Variants in MED16 observed in about 807,000 individuals in gnomAD.
MED16 encodes the protein mediator complex subunit 16, also known as mediator of RNA polymerase II transcription subunit 16.
A neutral mutation model predicts 84.4 loss-of-function variants in MED16; 81 were observed. The observed-to-expected ratio is 0.96, with a 90% CI of 0.80 to 1.15. The LOEUF (loss-of-function observed/expected upper bound fraction) is 1.15, where lower values mean the gene tolerates loss of function less well. Among genes scored for constraint, MED16 ranks in the 50% most tolerant of loss-of-function variants. The pLI is 0.00. For synonymous variants in MED16, 897 were observed against 552.2 expected (o/e 1.62, Z -8.76); for missense variants, 1,585 against 1,245.9 (o/e 1.27, Z -4.10).
intron 11 of MED16, 91 bp downstream of exon 11, chr19:873,358 G>A: frequency 7.6e-7 from 1 of 1,321,230 alleles, no homozygotes; most frequent in Non-Finnish European, 1.0e-6. Flanking sequence ...CGGGGCTGAG[G>A]TGGTTTTGAG....
Position 868,165 on chromosome 19 carries a change from G to C in MED16, c.2570C>G (p.Ser857Cys). ...GGGGGTCCTGGGAGAGTGGTGTGTG[G>C]ACTGCGGGCCCAGCTGGACAAAGGC... is the stretch of plus-strand genomic sequence containing the variant. Reference protein sequence around the residue: ...APAFVQLGPQSTHHSPRTPRS... With the variant: ...APAFVQLGPQCTHHSPRTPRS... The change falls in exon 16 of 16, where the codon TCC becomes TGC. Residue 857 changes from serine to cysteine, a missense_variant. Physicochemically the swap from Ser to Cys is moderately radical, Grantham distance 112. Coordinates refer to ENST00000325464, the MANE Select transcript of MED16 (RefSeq NM_005481.3). 6.2e-7 allele frequency: 1 copy of C among 1,611,500 alleles called. No individual in the cohort carries two copies. The highest frequency in any genetic ancestry group is 8.5e-7 in the Non-Finnish European group (1 of 1,179,468).
chr19:890,898 G>A, intron 2 of MED16, 65 bp downstream of exon 2: 2 of 1,541,730 alleles, frequency 1.3e-6, no homozygotes, highest in South Asian at 1.2e-5. Flanking sequence ...AGTGGGCCGG[G>A]CACCTGGGGA....
Position 880,113 on chromosome 19 carries a change from T to C in MED16, c.1177A>G (p.Ile393Val), listed in dbSNP as rs780775004. The C allele has an allele frequency of 2.5e-5, 40 of 1,610,146 alleles. No individual in the cohort carries two copies. The Admixed American group carries it at 4.5e-4, about 18-fold the overall frequency. Residue 393 changes from isoleucine to valine, a missense_variant, in exon 8 of 16, where the codon ATC (isoleucine) becomes GTC (valine). Physicochemically the swap from Ile to Val is conservative, Grantham distance 29 (BLOSUM62 3). Coordinates refer to ENST00000325464, the MANE Select transcript of MED16 (RefSeq NM_005481.3). The stretch of plus-strand genomic sequence containing the variant: ...GTCTGCAGTGAGAGCCGGTGCACGA[T>C]GTGGACGCTGCCGTCGTGGAAGGCC... ...ALAFHDGSVHIVHRLSLQTMA... is the reference protein window; with the variant it reads ...ALAFHDGSVHVVHRLSLQTMA...
In MED16 at chr19:873,312, C is replaced by T. The variant is rs1176377143; in HGVS notation, c.1905+137G>A. On this transcript the variant is annotated intron_variant, in intron 11 of 15. Transcript: ENST00000325464. Reference sequence around the variant, plus strand: ...GCAGGGGCGGGACTCCAAGTAGGGGCGGGACTCCAAGTAGGGGCGGGACTC... The same window carrying T: ...GCAGGGGCGGGACTCCAAGTAGGGGTGGGACTCCAAGTAGGGGCGGGACTC... The T allele has an allele frequency of 1.3e-4, 69 of 535,840 alleles. 1 individual carries two copies. In the East Asian group the frequency reaches 1.6e-3, roughly 12 times the overall value. 33.2% of individuals were successfully genotyped at this position (535,840 alleles called of 1,614,324 possible).
At chr19:883,860 C>G (rs573843087) in intron 6 of MED16, among the ~76,000 whole-genome samples, 18 of 152,176 alleles carry the variant, frequency 1.2e-4, no homozygotes, top group African/African-American at 4.3e-4. Flanking sequence ...TGAGGCCCAA[C>G]AAGGCCCTGG....
rs1272078857 is a variant in MED16 at position 880,067 on chromosome 19, G to A, written c.1223C>T (p.Ser408Phe). The A allele has an allele frequency of 5.6e-6, 9 of 1,611,168 alleles. No individual in the cohort carries two copies. The highest frequency in any genetic ancestry group is 2.2e-5 in the South Asian group (2 of 90,866). The change falls in exon 8 of 16, where the codon TCC becomes TTC. Residue 408 changes from serine to phenylalanine, a missense_variant. Transcript: ENST00000325464. ...SLQTMAVFYS[S>F]AAPRPVDEPA... ...CTCATCCACAGGCCTCGGGGCCGCG[G>A]AGCTGTAGAAGACGGCCATGGTCTG...
At chr19:891,580 C>T (rs1401084896) in intron 1 of MED16, among the ~76,000 whole-genome samples, 1 of 151,612 alleles carries the variant, frequency 6.6e-6, no homozygotes, top group Non-Finnish European at 1.5e-5. Context: ...CTCCCTGTAG[C>T]CGAGGCGGGG....
At position 881,554 on chromosome 19, in the gene MED16, C is replaced by T. The variant is rs372842343; in HGVS notation, c.1141+5G>A. The T allele has an allele frequency of 1.0e-4, 162 of 1,606,778 alleles. No individual in the cohort carries two copies. The African/African-American group carries it at 1.6e-3, about 16-fold the overall frequency. ...CCCGCGTGGCTGCCGCTGGCTCCAC[C>T]GTACCGAGGCCAGGGTAGAACTGTG... On this transcript the variant is annotated splice_donor_5th_base_variant and intron_variant, in intron 7 of 15. Coordinates refer to ENST00000325464, the MANE Select transcript of MED16 (RefSeq NM_005481.3).
chr19:892,852 C>G (rs1199591127), intron 1 of MED16: 2 of 150,642 alleles, frequency 1.3e-5, no homozygotes, highest in African/African-American at 4.9e-5. Flanking sequence ...AGGCCTCCCC[C>G]AGGTTTCCGC....
rs902883254 is a variant in MED16 at position 871,232 on chromosome 19, C to G, written c.2120G>C (p.Ser707Thr). 85 of 1,541,524 alleles carry G rather than the reference C, an allele frequency of 5.5e-5. No individual in the cohort carries two copies. The highest frequency in any genetic ancestry group is 7.2e-5 in the Non-Finnish European group (82 of 1,140,272). ...WICCRDEGPA[S>T]EPDEALVDEC... ...ATCCACCAGCGCCTCGTCCGGCTCG[C>G]TCGCTGGGCCCTCATCGCGACCTGC... Residue 707 changes from serine to threonine, a missense_variant, in exon 13 of 16, where the codon AGC (serine) becomes ACC (threonine). Physicochemically the swap from Ser to Thr is moderately conservative, Grantham distance 58 (BLOSUM62 1). Coordinates refer to ENST00000325464, the MANE Select transcript of MED16 (RefSeq NM_005481.3).
intron 13 of MED16, among the ~76,000 whole-genome samples, chr19:869,311 G>T (rs1309413137): frequency 6.6e-6 from 1 of 152,224 alleles, no homozygotes; most frequent in East Asian, 1.9e-4. Flanking sequence ...CTGGACAGAA[G>T]CAGGTACATG....
intron 4 of MED16, among the ~76,000 whole-genome samples, chr19:888,946 A>G (rs2036577256): frequency 6.6e-6 from 1 of 152,152 alleles, no homozygotes; most frequent in African/African-American, 2.4e-5. Flanking sequence ...TGCCACGAAC[A>G]TCCCCGAGAC....
chr19:877,638 C>T (rs1216006694), intron 8 of MED16, among the ~76,000 whole-genome samples: 2 of 103,404 alleles, frequency 1.9e-5, no homozygotes, highest in Non-Finnish European at 4.4e-5. Context: ...CCTCTGGCAC[C>T]CTCCCAGCCC....
At chr19:890,681 G>A (rs1348380984) in intron 2 of MED16, among the ~76,000 whole-genome samples, 3 of 152,308 alleles carry the variant, frequency 2.0e-5, no homozygotes, top group East Asian at 1.9e-4. Context: ...AGAAAACTGG[G>A]GCACGTGTCT....
chr19:890,096 TCCGGGTC>T, intron 3 of MED16, 34 bp downstream of exon 3: 1 of 1,442,854 alleles, frequency 6.9e-7, no homozygotes, highest in Non-Finnish European at 9.4e-7. Flanking sequence ...TGCTCCGGGA[TCCGGGTC>T]GCCACCCCTG....
In MED16 at chr19:880,002, G is replaced by C. The variant is rs754450994; in HGVS notation, c.1288C>G (p.His430Asp). 3 of 1,610,160 alleles carry C rather than the reference G, an allele frequency of 1.9e-6. No homozygotes were observed. The highest frequency in any genetic ancestry group is 1.7e-6 in the Non-Finnish European group (2 of 1,178,728). ...KRPRTAGPAV[H>D]LKAMQLSWTS... ...CACGATAGCTGCATAGCCTTTAAGT[G>C]GACGGCGGGGCCCGCGGTGCGGGGG... The change falls in exon 8 of 16, where the codon CAC becomes GAC. Residue 430 changes from histidine (H) to aspartate (D), a missense_variant. By Grantham distance (81) the His-to-Asp change is moderately conservative. Transcript: ENST00000325464.
At position 875,363 on chromosome 19, in the gene MED16, A is replaced by G; in HGVS notation, c.1652T>C (p.Leu551Pro). 6.2e-7 allele frequency: 1 copy of G among 1,609,976 alleles called. No individual in the cohort carries two copies. The highest frequency in any genetic ancestry group is 8.5e-7 in the Non-Finnish European group (1 of 1,179,730). Residue 551 changes from leucine (L) to proline (P), a missense_variant, in exon 10 of 16, where the codon CTC becomes CCC. Physicochemically the swap from Leu to Pro is moderately conservative, Grantham distance 98. Transcript: ENST00000325464. ...VTRVCDYHTK[L>P]FLIAISSTLK... Reference sequence around the variant, plus strand: ...GGTGGAGCTGATGGCGATGAGGAAGAGCTTGGTGTGGTAGTCGCACACGCG... The same window carrying G: ...GGTGGAGCTGATGGCGATGAGGAAGGGCTTGGTGTGGTAGTCGCACACGCG...
chr19:869,292 C>T (rs970357216), intron 13 of MED16, among the ~76,000 whole-genome samples: 3 of 152,142 alleles, frequency 2.0e-5, no homozygotes, highest in African/African-American at 7.2e-5. Context: ...GTGACGCTCC[C>T]ATTTGAGGCT....
At chr19:889,832 G>A (rs1335176625) in intron 3 of MED16, 25 bp from the exon 4 acceptor site, 27 of 1,595,202 alleles carry the variant, frequency 1.7e-5, no homozygotes, top group Admixed American at 3.4e-5. Flanking sequence ...CCATCATTGC[G>A]AACCTTCCAG....
Sources: gnomAD v4.1 joint callset for allele counts (sites outside exome capture counted in the v4.1 genomes callset) on GRCh38, gnomAD v4.1.1 for gene constraint, MANE v1.5 for transcripts, NCBI Gene and HGNC (gene_info 2026-07-23, HGNC 2026-07-21) for gene names.